Variants in ANKRD36 observed in about 807,000 individuals in gnomAD.
The protein encoded by ANKRD36 is ankyrin repeat domain-containing protein 36A.
Under a neutral mutation model 278.1 loss-of-function variants are expected in ANKRD36, and 179 were observed. The observed-to-expected ratio is 0.64, with a 90% CI of 0.57 to 0.73. ANKRD36 has a LOEUF of 0.73. Among genes scored for constraint, ANKRD36 ranks in the 30% least tolerant of loss-of-function variants. The pLI, the probability that ANKRD36 is intolerant of heterozygous loss-of-function variation, is 0.00. For synonymous variants in ANKRD36, 320 were observed against 641.1 expected, an observed-to-expected ratio of 0.50 and a Z score of 7.57; for missense variants, 1,159 against 1,956.7, an observed-to-expected ratio of 0.59 and a Z score of 7.69.
At position 97,196,592 on chromosome 2, in the gene ANKRD36, GT is replaced by G. The variant is rs1367214920; in HGVS notation, c.2552del (p.Val851GlyfsTer9). Reference protein sequence around the residue: ...GKKDGEISRKVSSQKPPTLKG... With the variant: ...GKKDGEISRKXSSQKPPTLKG... ...GATTATGAATCCCTTTTGCTTTTCAGTGTCTTCTCAGAAACCACCAACCTTG... is the reference window on the plus strand; with the variant it reads ...GATTATGAATCCCTTTTGCTTTTCAGGTCTTCTCAGAAACCACCAACCTTG... On this transcript the variant is annotated frameshift_variant and splice_region_variant, in exon 41 of 76. Coordinates refer to ENST00000420699, the MANE Select transcript of ANKRD36 (RefSeq NM_001354587.1). LOFTEE classifies it high-confidence loss of function. 5.0e-6 allele frequency: 8 copies of G among 1,604,574 alleles called. No individual in the cohort carries two copies. In the Admixed American group the frequency reaches 8.4e-5, roughly 17 times the overall value.
intron 40 of ANKRD36, 92 bp from the exon 41 acceptor site, chr2:97,196,501 G>T (rs2059807950): frequency 6.3e-7 from 1 of 1,577,770 alleles, no homozygotes; most frequent in East Asian, 2.3e-5. Context: ...ATACAGGCAG[G>T]AGGACAGAGG....
chr2:97,200,198 A>G (rs1208727008), intron 44 of ANKRD36, 136 bp from the exon 45 acceptor site: 23 of 1,539,808 alleles, frequency 1.5e-5, no homozygotes, highest in Non-Finnish European at 1.8e-5. Context: ...TCTGATCCCC[A>G]GACACAAAGT....
intron 42 of ANKRD36, among the ~76,000 whole-genome samples, chr2:97,197,016 A>G (rs188569711): frequency 3.3e-5 from 5 of 152,028 alleles, no homozygotes; most frequent in African/African-American, 1.2e-4. Flanking sequence ...AAGAAGATAT[A>G]TGGAGAGCAG....
rs202146396 is a variant in ANKRD36, at chr2:97,178,674, T to G, written c.1634-1064T>G. Among the ~76,000 whole-genome samples, 176 of 112,832 alleles carry G rather than the reference T, an allele frequency of 1.6e-3. 4 individuals are homozygous for G. In the East Asian group the frequency reaches 0.019, roughly 12 times the overall value. The allele number at this position is 112,832 out of a possible 152,430, so 74.0% of individuals were successfully genotyped here. ...AGGGGAATATCACACTCTGGGGACT[T>G]TTGTGGGGTGGGGGGAGGGGAGAGG... On this transcript the variant is annotated intron_variant, in intron 22 of 75. Coordinates refer to ENST00000420699, the MANE Select transcript of ANKRD36 (RefSeq NM_001354587.1).
chr2:97,206,251 G>T lies in ANKRD36; in HGVS notation c.3163+116G>T. The T allele has an allele frequency of 2.5e-6, 3 of 1,191,890 alleles. No homozygotes were observed. The South Asian group carries it at 4.9e-5, about 19-fold the overall frequency. 73.8% of individuals were successfully genotyped at this position (1,191,890 alleles called of 1,614,324 possible). A position where few individuals can be genotyped will look rare whatever the true frequency, so the allele number is the denominator to read the frequency against. ...CTGCACTTTCTGATTCAGCAGGCCG[G>T]AGATTCTTCATTTGTAGTACGTTCT... On this transcript the variant is annotated intron_variant, in intron 52 of 75. Coordinates refer to ENST00000420699, the MANE Select transcript of ANKRD36 (RefSeq NM_001354587.1).
rs564204151 is a variant in ANKRD36, at chr2:97,142,967, A to G, written c.901+132A>G. ...GCAGGCCTGAGATTCTGCTTTTGTG[A>G]TAAGTTCTCGGGTGACGCCGATGCT... On this transcript the variant is annotated intron_variant, in intron 8 of 75. Coordinates refer to ENST00000420699, the MANE Select transcript of ANKRD36 (RefSeq NM_001354587.1). 9.7e-6 allele frequency: 12 copies of G among 1,235,578 alleles called. No homozygotes were observed. The African/African-American group carries it at 1.5e-4, about 16-fold the overall frequency. 76.5% of individuals were successfully genotyped at this position (1,235,578 alleles called of 1,614,324 possible).
intron 26 of ANKRD36, among the ~76,000 whole-genome samples, chr2:97,182,247 T>G (rs1213222141): frequency 7.6e-6 from 1 of 131,090 alleles, no homozygotes; most frequent in Non-Finnish European, 1.8e-5. Flanking sequence ...AAGAGGATTG[T>G]CAGGCAGGAA....
At chr2:97,211,809 A>C in intron 58 of ANKRD36, 68 bp downstream of exon 58, 1 of 1,484,464 alleles carries the variant, frequency 6.7e-7, no homozygotes, top group South Asian at 1.3e-5. Context: ...TCACCAAATA[A>C]AACAGCGGGG....
chr2:97,145,344 A>G (rs1350666734), intron 10 of ANKRD36, among the ~76,000 whole-genome samples: 2 of 152,032 alleles, frequency 1.3e-5, no homozygotes, highest in Non-Finnish European at 2.9e-5. Flanking sequence ...TAGAATTGTG[A>G]TGAACCACAG....
chr2:97,181,508 A>T (rs1309640916), intron 24 of ANKRD36, 90 bp from the exon 25 acceptor site: 2 of 1,560,532 alleles, frequency 1.3e-6, no homozygotes, highest in Middle Eastern at 4.7e-4. Flanking sequence ...ACAGGCAGGA[A>T]GATACAGCTT....
At position 97,181,720 on chromosome 2, in the gene ANKRD36, G is replaced by A. The variant is rs1467080042; in HGVS notation, c.1765-1G>A. The stretch of plus-strand genomic sequence containing the variant: ...ATTATTTTGTTTCAAATCCCATTCA[G>A]GCTACAAGTGACGAGAAAGATTCTG... On this transcript the variant is annotated splice_acceptor_variant, in intron 25 of 75. Coordinates refer to ENST00000420699, the MANE Select transcript of ANKRD36 (RefSeq NM_001354587.1). LOFTEE classifies it high-confidence loss of function. The A allele has an allele frequency of 6.2e-7, 1 of 1,608,658 alleles. No homozygotes were observed. The highest frequency in any genetic ancestry group is 1.1e-5 in the South Asian group (1 of 90,818).
Position 97,116,155 on chromosome 2 carries a change from G to A in ANKRD36, c.198-1909G>A, listed in dbSNP as rs184573326. Among the ~76,000 whole-genome samples the A allele has an allele frequency of 2.6e-5, 4 of 152,196 alleles. No homozygotes were observed. In the East Asian group the frequency reaches 7.7e-4, roughly 29 times the overall value. On this transcript the variant is annotated intron_variant, in intron 1 of 75. Transcript: ENST00000420699. ...TCTGTGATGTATAAATGATCAGTAT[G>A]TTTAAAACTTCTAGTAAATGTTTTT...
chr2:97,220,636 A>G (rs2067160367), intron 66 of ANKRD36, among the ~76,000 whole-genome samples: 3 of 151,388 alleles, frequency 2.0e-5, no homozygotes, highest in African/African-American at 4.9e-5. Context: ...CTGTTGATGT[A>G]CATTTAGGTT....
chr2:97,212,403 G>A (rs2064908777), intron 58 of ANKRD36, among the ~76,000 whole-genome samples: 1 of 151,760 alleles, frequency 6.6e-6, no homozygotes, highest in African/African-American at 2.4e-5. Context: ...TCCTCTTTAG[G>A]AGTAATTTAC....
In ANKRD36 at chr2:97,185,106, C is replaced by T. The variant is rs371570779; in HGVS notation, c.1940-210C>T. Among the ~76,000 whole-genome samples, 106 of 151,736 alleles carry T rather than the reference C, an allele frequency of 7.0e-4. No individual in the cohort carries two copies. In the East Asian group the frequency reaches 0.013, roughly 19 times the overall value. ...GTTTTAGACATATGAAAAATCATAC[C>T]ATGATTGACATTGTAAGGGTTTATT... On this transcript the variant is annotated intron_variant, in intron 28 of 75. Coordinates refer to ENST00000420699, the MANE Select transcript of ANKRD36 (RefSeq NM_001354587.1).
intron 22 of ANKRD36, among the ~76,000 whole-genome samples, chr2:97,178,294 G>T (rs1172531625): frequency 3.3e-5 from 5 of 151,886 alleles, no homozygotes; most frequent in Non-Finnish European, 7.4e-5. Flanking sequence ...TCTAGAAGTG[G>T]AAATACCATT....
chr2:97,230,584 AT>A (rs2071607790), intron 67 of ANKRD36, among the ~76,000 whole-genome samples: 1 of 151,992 alleles, frequency 6.6e-6, no homozygotes, highest in Admixed American at 6.6e-5. Flanking sequence ...TTTGGTTTGA[AT>A]TTCCTCCTGT....
Position 97,212,228 on chromosome 2 carries a change from G to A in ANKRD36, c.3469+487G>A, listed in dbSNP as rs114354322. On this transcript the variant is annotated intron_variant, in intron 58 of 75. Transcript: ENST00000420699. Reference sequence around the variant, plus strand: ...ATTGTGAGTCAGGAAGGAGGGAAAAGTAGTTATTTATGTAATTTGGGATTT... The same window carrying A: ...ATTGTGAGTCAGGAAGGAGGGAAAAATAGTTATTTATGTAATTTGGGATTT... 8.2e-3 allele frequency among the ~76,000 whole-genome samples: 1,248 copies of A among 151,910 alleles called. 15 individuals are homozygous for A. Among genetic ancestry groups the A allele is most frequent in the African/African-American group, 0.029 (1,187 of 41,460 alleles).
rs1416303104 is a variant in ANKRD36 at position 97,144,547 on chromosome 2, G to C, written c.930+1G>C. Reference sequence around the variant, plus strand: ...TTCTCAGAAACAACCGGCCTTGAAGGTATTATACTCTCATTCATATTTTGA... The same window carrying C: ...TTCTCAGAAACAACCGGCCTTGAAGCTATTATACTCTCATTCATATTTTGA... On this transcript the variant is annotated splice_donor_variant, in intron 9 of 75. Coordinates refer to ENST00000420699, the MANE Select transcript of ANKRD36 (RefSeq NM_001354587.1). LOFTEE classifies it high-confidence loss of function. 2.2e-5 allele frequency: 35 copies of C among 1,595,816 alleles called. No homozygotes were observed. The highest frequency in any genetic ancestry group is 2.9e-5 in the Non-Finnish European group (34 of 1,177,674).
Sources: allele counts gnomAD v4.1 joint callset (sites outside exome capture counted in the v4.1 genomes callset), GRCh38; gene constraint gnomAD v4.1.1; transcripts MANE v1.5; gene names NCBI Gene and HGNC (gene_info 2026-07-23, HGNC 2026-07-21).